Variants in TMEM26 observed in about 807,000 individuals in gnomAD.
TMEM26 encodes the protein transmembrane protein 26.
A neutral mutation model predicts 28.8 loss-of-function variants in TMEM26; 38 were observed. The ratio of observed to expected loss-of-function variants is 1.32; its 90% confidence interval spans 1.02 to 1.73. TMEM26 has a LOEUF of 1.73. Among genes scored for constraint, TMEM26 ranks in the 40% most tolerant of loss-of-function variants. The probability of loss-of-function intolerance (pLI) is 0.00; values close to 1 mark genes in which losing one functional copy is unlikely to be tolerated. For synonymous variants in TMEM26, 227 were observed against 182.9 expected, an observed-to-expected ratio of 1.24 and a Z score of -1.95; for missense variants, 518 against 447.1, an observed-to-expected ratio of 1.16 and a Z score of -1.43.
intron 3 of TMEM26, 103 bp from the exon 4 acceptor site, chr10:61,429,249 G>C (rs566294475): frequency 2.2e-6 from 2 of 895,400 alleles, no homozygotes; most frequent in Admixed American, 2.3e-5. Context: ...TTTGTAGAGA[G>C]TAATTTTCAG....
At chr10:61,445,326 T>G (rs536211475) in intron 1 of TMEM26, among the ~76,000 whole-genome samples, 1 of 152,228 alleles carries the variant, frequency 6.6e-6, no homozygotes, top group South Asian at 2.1e-4. Context: ...ACCTGGGAAA[T>G]AAGAAAGCAA....
At chr10:61,448,209 A>T (rs1449068629) in intron 1 of TMEM26, among the ~76,000 whole-genome samples, 1 of 152,232 alleles carries the variant, frequency 6.6e-6, no homozygotes, top group Admixed American at 6.5e-5. Flanking sequence ...CTCTCTCCGG[A>T]TGCAGCTCTC....
At chr10:61,413,880 T>G (rs1276172776) in intron 4 of TMEM26, 1 of 995,262 alleles carries the variant, frequency 1.0e-6, no homozygotes, top group Non-Finnish European at 1.2e-6. Context: ...AAATGGCTGA[T>G]TTCAAGGAAT....
rs191493983 is a variant in TMEM26, at chr10:61,440,504, T to C, written c.192-4256A>G. 2.3e-5 allele frequency among the ~76,000 whole-genome samples: 3 copies of C among 129,624 alleles called. No individual in the cohort carries two copies. In the East Asian group the frequency reaches 7.1e-4, roughly 31 times the overall value. The allele number at this position is 129,624 out of a possible 152,430, so 85.0% of individuals were successfully genotyped here. The stretch of plus-strand genomic sequence containing the variant: ...CTGTGTTCATATAACAGTGTTCTTC[T>C]TCCAGTTCTCAAAAAAAAAAAAAAA... On this transcript the variant is annotated intron_variant, in intron 1 of 5. Coordinates refer to ENST00000399298, the MANE Select transcript of TMEM26 (RefSeq NM_178505.8).
At chr10:61,420,681 T>C (rs1209831856) in intron 4 of TMEM26, among the ~76,000 whole-genome samples, 2 of 151,276 alleles carry the variant, frequency 1.3e-5, no homozygotes, top group Admixed American at 1.3e-4. Context: ...TATAGCAAAA[T>C]TATCCTTTAA....
chr10:61,425,725 A>G (rs1839820761), intron 4 of TMEM26, among the ~76,000 whole-genome samples: 1 of 152,166 alleles, frequency 6.6e-6, no homozygotes, highest in Non-Finnish European at 1.5e-5. Flanking sequence ...CTGCAAATTA[A>G]TGTCCTGGTG....
intron 1 of TMEM26, among the ~76,000 whole-genome samples, chr10:61,437,814 T>G (rs113984538): frequency 6.6e-6 from 1 of 152,044 alleles, no homozygotes; most frequent in Non-Finnish European, 1.5e-5. Flanking sequence ...AAAAACAAAT[T>G]GAACTTTATT....
At chr10:61,431,459 A>G (rs1839922069) in intron 2 of TMEM26, 127 bp from the exon 3 acceptor site, 1 of 592,254 alleles carries the variant, frequency 1.7e-6, no homozygotes, top group South Asian at 2.8e-5. Context: ...ATATATATAA[A>G]CATTTCCAAA....
At chr10:61,437,714 G>A (rs1268911422) in intron 1 of TMEM26, among the ~76,000 whole-genome samples, 1 of 152,100 alleles carries the variant, frequency 6.6e-6, no homozygotes, top group Non-Finnish European at 1.5e-5. Context: ...GAACCCGGGA[G>A]GCAAATGTCG....
chr10:61,445,837 C>G (rs745851689), intron 1 of TMEM26, among the ~76,000 whole-genome samples: 3 of 151,782 alleles, frequency 2.0e-5, no homozygotes, highest in Non-Finnish European at 4.4e-5. Context: ...ATTTTTCCAC[C>G]GTTGGAAAAA....
At position 61,413,458 on chromosome 10, in the gene TMEM26, C is replaced by A. The variant is rs1167838383; in HGVS notation, c.682+1G>T. The A allele has an allele frequency of 6.2e-7, 1 of 1,612,530 alleles. No homozygotes were observed. Among genetic ancestry groups the A allele is most frequent in the Admixed American group, 1.7e-5 (1 of 59,838 alleles). On this transcript the variant is annotated splice_donor_variant, in intron 5 of 5. Transcript: ENST00000399298. LOFTEE classifies it high-confidence loss of function. ...CTTTGCACAAACATCAGGATACTTACCTGCCAGGTCAAGTGGAAACTGCAG... is the reference window on the plus strand; with the variant it reads ...CTTTGCACAAACATCAGGATACTTAACTGCCAGGTCAAGTGGAAACTGCAG...
At chr10:61,450,101 T>C (rs1840251554) in intron 1 of TMEM26, among the ~76,000 whole-genome samples, 1 of 152,188 alleles carries the variant, frequency 6.6e-6, no homozygotes, top group Non-Finnish European at 1.5e-5. Context: ...TGGATATTAA[T>C]ATTTTTGCTC....
chr10:61,445,687 A>T (rs1295968545), intron 1 of TMEM26, among the ~76,000 whole-genome samples: 1 of 125,420 alleles, frequency 8.0e-6, no homozygotes, highest in Non-Finnish European at 1.6e-5. Flanking sequence ...TTTTTTTTTA[A>T]AAAAAAGGAA....
rs182985529 is a variant in TMEM26 at position 61,446,348 on chromosome 10, G to A, written c.191+6543C>T. ...CCTTCTGCACTGAGTTCAAGACTCA[G>A]GATATAAAACACACATTCCCACAAG... On this transcript the variant is annotated intron_variant, in intron 1 of 5. Transcript: ENST00000399298. 8.5e-5 allele frequency among the ~76,000 whole-genome samples: 13 copies of A among 152,216 alleles called. No homozygotes were observed. In the East Asian group the frequency reaches 1.4e-3, roughly 16 times the overall value.
chr10:61,418,742 G>T lies in TMEM26; in HGVS notation c.606-5207C>A, dbSNP rs538737014. On this transcript the variant is annotated intron_variant, in intron 4 of 5. Transcript: ENST00000399298. ...GAGACTGCAGTCCTAGTTGGAGTGG[G>T]TAATGAACTAACTTTAAATTTAATA... 2.6e-4 allele frequency among the ~76,000 whole-genome samples: 40 copies of T among 152,154 alleles called. 1 individual carries two copies. Among genetic ancestry groups the T allele is most frequent in the African/African-American group, 9.6e-4 (40 of 41,540 alleles).
chr10:61,431,881 C>T (rs1395240815), intron 2 of TMEM26, among the ~76,000 whole-genome samples: 4 of 151,942 alleles, frequency 2.6e-5, no homozygotes, highest in East Asian at 3.9e-4. Flanking sequence ...CACTTCCCTC[C>T]GTCCCTCCCC....
At chr10:61,413,967 G>A in intron 4 of TMEM26, 9 of 986,272 alleles carry the variant, frequency 9.1e-6, no homozygotes, top group Non-Finnish European at 1.1e-5. Flanking sequence ...GCTAAATGAT[G>A]ATCAAAGATT....
intron 4 of TMEM26, among the ~76,000 whole-genome samples, chr10:61,426,526 G>A (rs967262030): frequency 6.6e-6 from 1 of 152,090 alleles, no homozygotes; most frequent in Non-Finnish European, 1.5e-5. Context: ...CCAAAGGAAG[G>A]AAATTTATTT....
chr10:61,422,659 A>C (rs1211929875), intron 4 of TMEM26, among the ~76,000 whole-genome samples: 1 of 152,162 alleles, frequency 6.6e-6, no homozygotes, highest in Non-Finnish European at 1.5e-5. Flanking sequence ...CAGTGCTTAC[A>C]GGAAAATTCA....
Sources: allele counts gnomAD v4.1 joint callset (sites outside exome capture counted in the v4.1 genomes callset), GRCh38; gene constraint gnomAD v4.1.1; transcripts MANE v1.5; gene names NCBI Gene and HGNC (gene_info 2026-07-23, HGNC 2026-07-21).